The following CLSTN2 variants were observed in gnomAD, a reference collection of about 807,000 sequenced individuals.
The protein encoded by CLSTN2 is calsyntenin 2, also known as calsyntenin-2.
Under a neutral mutation model 101.2 loss-of-function variants are expected in CLSTN2, and 48 were observed. The ratio of observed to expected loss-of-function variants is 0.47; its 90% CI spans 0.38 to 0.60. The LOEUF (loss-of-function observed/expected upper bound fraction) is 0.60. CLSTN2 is among the 20% of genes least tolerant of loss of function. CLSTN2 has a pLI of 0.00. For missense variants in CLSTN2, 1,160 were observed against 1,238.2 expected, an observed-to-expected ratio of 0.94 and a Z score of 0.95; for synonymous variants, 481 against 463.6, an observed-to-expected ratio of 1.04 and a Z score of -0.48.
At chr3:140,342,733 C>T (rs2087504417) in intron 2 of CLSTN2, among the ~76,000 whole-genome samples, 1 of 152,174 alleles carries the variant, frequency 6.6e-6, no homozygotes, top group African/African-American at 2.4e-5. Context: ...AAACCAGGAA[C>T]TGGAATTGTC....
intron 2 of CLSTN2, among the ~76,000 whole-genome samples, chr3:140,230,627 A>G (rs2086362448): frequency 6.6e-6 from 1 of 152,206 alleles, no homozygotes; most frequent in African/African-American, 2.4e-5. Flanking sequence ...TCCATGAAAC[A>G]GAAAGCTAGC....
In CLSTN2 at chr3:139,978,168, A is replaced by T. The variant is rs146794899; in HGVS notation, c.109+42685A>T. Among the ~76,000 whole-genome samples, 456 of 152,330 alleles carry T rather than the reference A, an allele frequency of 3.0e-3. 3 individuals carry two copies. Among genetic ancestry groups the T allele is most frequent in the African/African-American group, 1.0e-2 (415 of 41,578 alleles). On this transcript the variant is annotated intron_variant, in intron 1 of 16. Coordinates refer to ENST00000458420, the MANE Select transcript of CLSTN2 (RefSeq NM_022131.3). ...CAAGGGATCCTGAGCTCCTCTCTGC[A>T]ATAGTTCAAAAAATTTGAGTCTAAC...
chr3:140,408,234 A>G (rs1237830551), intron 4 of CLSTN2, among the ~76,000 whole-genome samples: 3 of 152,226 alleles, frequency 2.0e-5, no homozygotes, highest in Non-Finnish European at 4.4e-5. Flanking sequence ...TGAAGAGAAA[A>G]GGATAACAGG....
intron 1 of CLSTN2, among the ~76,000 whole-genome samples, chr3:140,093,143 C>A (rs1335062893): frequency 6.6e-6 from 1 of 152,078 alleles, no homozygotes; most frequent in Non-Finnish European, 1.5e-5. Context: ...TTACTGACTC[C>A]CTCAACTGCA....
At chr3:140,143,331 T>C in intron 1 of CLSTN2, among the ~76,000 whole-genome samples, 1 of 152,136 alleles carries the variant, frequency 6.6e-6, no homozygotes, top group South Asian at 2.1e-4. Context: ...TTCATCTGAG[T>C]CTGAAGGCCT....
At chr3:140,233,928 AT>A (rs2086393305) in intron 2 of CLSTN2, among the ~76,000 whole-genome samples, 1 of 152,218 alleles carries the variant, frequency 6.6e-6, no homozygotes, top group African/African-American at 2.4e-5. Flanking sequence ...ACACTCATAG[AT>A]TTATGTATTG....
rs1314108455 is a variant in CLSTN2, at chr3:140,472,188, C to G, written c.1344+5457C>G. On this transcript the variant is annotated intron_variant, in intron 8 of 16. Coordinates refer to ENST00000458420, the MANE Select transcript of CLSTN2 (RefSeq NM_022131.3). ...TCCATGGTTTGGTGGTGGTATTCCT[C>G]CTTCTCATATAAATGAGCATAAGTC... Among the ~76,000 whole-genome samples the G allele has an allele frequency of 4.6e-5, 7 of 152,256 alleles. No individual in the cohort carries two copies. In the East Asian group the frequency reaches 1.3e-3, roughly 29 times the overall value.
chr3:140,320,954 G>C (rs976301562), intron 2 of CLSTN2, among the ~76,000 whole-genome samples: 2 of 152,144 alleles, frequency 1.3e-5, no homozygotes, highest in Admixed American at 6.5e-5. Flanking sequence ...ATAAGACCTG[G>C]AGTAACTTCA....
At chr3:140,224,616 G>A (rs2086302927) in intron 2 of CLSTN2, among the ~76,000 whole-genome samples, 1 of 152,120 alleles carries the variant, frequency 6.6e-6, no homozygotes, top group South Asian at 2.1e-4. Context: ...AGGTTCCTTG[G>A]TCAAATAGGT....
At chr3:140,311,990 T>A (rs2087173554) in intron 2 of CLSTN2, among the ~76,000 whole-genome samples, 1 of 152,222 alleles carries the variant, frequency 6.6e-6, no homozygotes, top group African/African-American at 2.4e-5. Context: ...TAGAGTCACT[T>A]AATTAGAGGT....
At chr3:140,402,603 G>T (rs2088255188) in intron 2 of CLSTN2, among the ~76,000 whole-genome samples, 1 of 152,174 alleles carries the variant, frequency 6.6e-6, no homozygotes, top group Non-Finnish European at 1.5e-5. Flanking sequence ...GCAAGAAGGT[G>T]CCTGGGTTAA....
chr3:140,234,410 T>C (rs2086398039), intron 2 of CLSTN2, among the ~76,000 whole-genome samples: 3 of 151,972 alleles, frequency 2.0e-5, no homozygotes, highest in Admixed American at 2.0e-4. Flanking sequence ...TGGTGTGAAC[T>C]GGAACAAAAT....
chr3:140,439,651 T>A (rs2088737101), intron 5 of CLSTN2, among the ~76,000 whole-genome samples: 1 of 152,194 alleles, frequency 6.6e-6, no homozygotes, highest in Admixed American at 6.5e-5. Flanking sequence ...AGGATTCACA[T>A]TTGTCCACGA....
At chr3:140,186,849 TC>T (rs1474731790) in intron 2 of CLSTN2, among the ~76,000 whole-genome samples, 1 of 152,070 alleles carries the variant, frequency 6.6e-6, no homozygotes, top group East Asian at 1.9e-4. Context: ...GAAAGGTGAA[TC>T]CCAGTGTGTT....
chr3:140,381,798 A>T (rs567036586), intron 2 of CLSTN2, among the ~76,000 whole-genome samples: 1 of 152,352 alleles, frequency 6.6e-6, no homozygotes, highest in African/African-American at 2.4e-5. Context: ...TGCTGAACTG[A>T]ACAATTGGAG....
At chr3:140,041,071 G>T (rs2007752270) in intron 1 of CLSTN2, among the ~76,000 whole-genome samples, 2 of 152,200 alleles carry the variant, frequency 1.3e-5, no homozygotes, top group South Asian at 4.1e-4. Context: ...CGGAGCTTCT[G>T]TGAGCTCTCC....
intron 1 of CLSTN2, among the ~76,000 whole-genome samples, chr3:140,083,049 G>A (rs147915408): frequency 6.6e-6 from 1 of 152,260 alleles, no homozygotes; most frequent in African/African-American, 2.4e-5. Context: ...AACTTTATTA[G>A]GTCTTAGCTG....
rs138896256 is a variant in CLSTN2, at chr3:140,566,123, T to C, written c.2738T>C (p.Met913Thr). The C allele has an allele frequency of 6.2e-7, 1 of 1,611,758 alleles. No individual in the cohort carries two copies. The highest frequency in any genetic ancestry group is 1.3e-5 in the African/African-American group (1 of 74,812). The change falls in exon 17 of 17, where the codon ATG becomes ACG. Residue 913 changes from methionine to threonine, a missense_variant. Coordinates refer to ENST00000458420, the MANE Select transcript of CLSTN2 (RefSeq NM_022131.3). The stretch of plus-strand genomic sequence containing the variant: ...GAGGAGGAAGAAGCCGAGGAAGAAA[T>C]GAGCTCCAGCAGTGGCTCTGACGAC... ...GEEEEEAEEE[M>T]SSSSGSDDSE...
chr3:140,540,730 C>A (rs1336937111), intron 9 of CLSTN2, among the ~76,000 whole-genome samples: 1 of 152,176 alleles, frequency 6.6e-6, no homozygotes, highest in Non-Finnish European at 1.5e-5. Context: ...CCTGAACACA[C>A]TTTGCACAGG....
Sources: allele counts gnomAD v4.1 joint callset (sites outside exome capture counted in the v4.1 genomes callset), GRCh38; gene constraint gnomAD v4.1.1; transcripts MANE v1.5; gene names NCBI Gene and HGNC (gene_info 2026-07-23, HGNC 2026-07-21).